Variants in SAMD3 observed in about 807,000 individuals in gnomAD.
SAMD3 encodes sterile alpha motif domain-containing protein 3.
A neutral mutation model predicts 58.5 loss-of-function variants in SAMD3; 63 were observed. The ratio of observed to expected loss-of-function variants is 1.08; its 90% CI spans 0.88 to 1.33. The LOEUF is 1.33. Ranked by LOEUF, SAMD3 falls within the 40% of genes most tolerant of loss-of-function variation. SAMD3 has a pLI of 0.00. For synonymous variants in SAMD3, 220 were observed against 210.3 expected (o/e 1.05, Z -0.40); for missense variants, 604 against 608.4 (o/e 0.99, Z 0.08).
At chr6:130,189,258 A>G (rs571169603) in intron 5 of SAMD3, among the ~76,000 whole-genome samples, 132 of 152,318 alleles carry the variant, frequency 8.7e-4, no homozygotes, top group African/African-American at 3.1e-3. Context: ...AAATGAAATC[A>G]TAAGGTTGGG....
intron 1 of SAMD3, among the ~76,000 whole-genome samples, chr6:130,325,429 T>C (rs151088204): frequency 0.01 from 1,566 of 152,184 alleles, 26 homozygotes; most frequent in African/African-American, 0.036. Flanking sequence ...GAGAGAGAAT[T>C]CACCTTCCCT....
intron 5 of SAMD3, among the ~76,000 whole-genome samples, chr6:130,187,439 T>C (rs1201290699): frequency 6.6e-6 from 1 of 152,116 alleles, no homozygotes; most frequent in African/African-American, 2.4e-5. Flanking sequence ...ATAGAGGTAT[T>C]AGGAAAGATC....
At chr6:130,168,015 C>A (rs1200983737) in intron 8 of SAMD3, among the ~76,000 whole-genome samples, 1 of 152,144 alleles carries the variant, frequency 6.6e-6, no homozygotes, top group African/African-American at 2.4e-5. Context: ...CTAAGCAGAG[C>A]AAAAATGGCA....
intron 5 of SAMD3, among the ~76,000 whole-genome samples, chr6:130,193,837 A>C (rs1793807390): frequency 6.6e-6 from 1 of 152,164 alleles, no homozygotes; most frequent in Admixed American, 6.5e-5. Flanking sequence ...CCTGATGTCC[A>C]GGCATTCTTT....
intron 1 of SAMD3, among the ~76,000 whole-genome samples, chr6:130,324,425 T>A (rs1160793373): frequency 6.6e-6 from 1 of 152,264 alleles, no homozygotes; most frequent in African/African-American, 2.4e-5. Context: ...CTTGACAGTC[T>A]ATATTTTTCA....
intron 4 of SAMD3, among the ~76,000 whole-genome samples, chr6:130,211,531 G>A (rs570177657): frequency 1.5e-3 from 227 of 152,016 alleles, no homozygotes; most frequent in Middle Eastern, 6.8e-3. Flanking sequence ...TGATCTGCCC[G>A]CCTTGGCCTC....
intron 2 of SAMD3, among the ~76,000 whole-genome samples, chr6:130,261,083 CTTTGGT>C (rs373073217): frequency 0.025 from 3,677 of 149,354 alleles, 160 homozygotes; most frequent in African/African-American, 0.085. Context: ...TTTATTGGCA[CTTTGGT>C]TTTGGTTTTG....
At chr6:130,235,464 T>C (rs943574873) in intron 2 of SAMD3, among the ~76,000 whole-genome samples, 37 of 152,212 alleles carry the variant, frequency 2.4e-4, no homozygotes, top group Non-Finnish European at 5.1e-4. Context: ...TAAATTTCTT[T>C]TCATGGATTG....
At chr6:130,328,172 C>A (rs543154414) in intron 1 of SAMD3, among the ~76,000 whole-genome samples, 33 of 152,254 alleles carry the variant, frequency 2.2e-4, no homozygotes, top group Non-Finnish European at 3.4e-4. Context: ...TTGGCTGATA[C>A]CCTTTCCACA....
chr6:130,217,999 G>A (rs1349330044), intron 1 of SAMD3, among the ~76,000 whole-genome samples: 1 of 152,166 alleles, frequency 6.6e-6, no homozygotes, highest in Non-Finnish European at 1.5e-5. Context: ...TAAGGATGTG[G>A]CTGTCACATG....
At chr6:130,195,418 C>T (rs1371988500) in intron 5 of SAMD3, among the ~76,000 whole-genome samples, 6 of 152,158 alleles carry the variant, frequency 3.9e-5, no homozygotes, top group Non-Finnish European at 7.3e-5. Context: ...ACTCTCCTTA[C>T]AATTCCCCCA....
At chr6:130,212,096 T>G (rs1445154438) in intron 4 of SAMD3, among the ~76,000 whole-genome samples, 1 of 151,884 alleles carries the variant, frequency 6.6e-6, no homozygotes. Flanking sequence ...AGGGTTCTTC[T>G]GTACACCAAG....
chr6:130,215,105 A>G (rs923674805), intron 3 of SAMD3, 90 bp downstream of exon 3: 4 of 696,154 alleles, frequency 5.7e-6, no homozygotes, highest in African/African-American at 5.5e-5. Flanking sequence ...GCACACAGAC[A>G]TTTGGCAACA....
At chr6:130,353,616 T>C (rs1777743532) in intron 1 of SAMD3, among the ~76,000 whole-genome samples, 1 of 152,132 alleles carries the variant, frequency 6.6e-6, no homozygotes, top group Non-Finnish European at 1.5e-5. Context: ...TCAAATTTAC[T>C]ACAAAAATAA....
chr6:130,202,660 T>C (rs1032570084), intron 5 of SAMD3, among the ~76,000 whole-genome samples: 1 of 152,230 alleles, frequency 6.6e-6, no homozygotes, highest in South Asian at 2.1e-4. Context: ...GTGGGATTTT[T>C]TGTTTGTTTT....
intron 8 of SAMD3, among the ~76,000 whole-genome samples, chr6:130,172,752 G>A (rs1395447305): frequency 2.6e-5 from 4 of 152,142 alleles, no homozygotes; most frequent in Non-Finnish European, 4.4e-5. Flanking sequence ...ATGTTGGCCT[G>A]TCTTGCTAGG....
chr6:130,222,312 A>G (rs953555104), intron 1 of SAMD3, among the ~76,000 whole-genome samples: 2 of 152,268 alleles, frequency 1.3e-5, no homozygotes, highest in Non-Finnish European at 2.9e-5. Context: ...AATTGGACAG[A>G]TAAAATTTCC....
chr6:130,280,844 G>A (rs1774956182), intron 2 of SAMD3, among the ~76,000 whole-genome samples: 1 of 152,172 alleles, frequency 6.6e-6, no homozygotes, highest in Middle Eastern at 3.4e-3. Flanking sequence ...TGCTAATTAT[G>A]ATATGTGTAA....
intron 2 of SAMD3, among the ~76,000 whole-genome samples, chr6:130,251,526 C>A (rs976467978): frequency 6.6e-6 from 1 of 151,868 alleles, no homozygotes; most frequent in African/African-American, 2.4e-5. Context: ...ATATTTAGGT[C>A]TTTTATCTAT....
Sources: gnomAD v4.1 joint callset for allele counts (sites outside exome capture counted in the v4.1 genomes callset) on GRCh38, gnomAD v4.1.1 for gene constraint, MANE v1.5 for transcripts, NCBI Gene and HGNC (gene_info 2026-07-23, HGNC 2026-07-21) for gene names.